The following THADA variants were observed in gnomAD, a reference collection of about 807,000 sequenced individuals.
THADA encodes the protein tRNA (32-2'-O)-methyltransferase regulator THADA.
Under a neutral mutation model 219.8 loss-of-function variants are expected in THADA, and 213 were observed. That is an observed-to-expected ratio of 0.97 (90% CI 0.87 to 1.09). The LOEUF (loss-of-function observed/expected upper bound fraction) is 1.09. Ranked by LOEUF, THADA falls within the 50% of genes least tolerant of loss-of-function variation. THADA has a pLI of 0.00. For missense variants in THADA, 2,956 were observed against 2,311.3 expected (o/e 1.28, Z -5.72); for synonymous variants, 1,018 against 828.9 (o/e 1.23, Z -3.92).
At chr2:43,555,176 G>C (rs1283585022) in intron 17 of THADA, among the ~76,000 whole-genome samples, 1 of 151,616 alleles carries the variant, frequency 6.6e-6, no homozygotes, top group Non-Finnish European at 1.5e-5. Flanking sequence ...GTACTACTGA[G>C]AAAATTCAGT....
rs185727015 is a variant in THADA, at chr2:43,399,950, T to A, written c.4059-1811A>T. 1.3e-3 allele frequency among the ~76,000 whole-genome samples: 196 copies of A among 152,318 alleles called. 1 individual carries two copies. The highest frequency in any genetic ancestry group is 4.7e-3 in the African/African-American group (194 of 41,558). On this transcript the variant is annotated intron_variant, in intron 28 of 37. Coordinates refer to ENST00000405975, the MANE Select transcript of THADA (RefSeq NM_022065.5). Reference sequence around the variant, plus strand: ...TTAATTAGCAAATGACCTCACTTAGTAAGGCAGTCATTTGTTGGAAGCTTC... The same window carrying A: ...TTAATTAGCAAATGACCTCACTTAGAAAGGCAGTCATTTGTTGGAAGCTTC...
At chr2:43,388,295 C>T (rs4952989) in intron 29 of THADA, among the ~76,000 whole-genome samples, 3 of 152,110 alleles carry the variant, frequency 2.0e-5, no homozygotes, top group Non-Finnish European at 2.9e-5. Context: ...AGTGTACCCA[C>T]GGTGAGATGT....
At chr2:43,401,601 G>C (rs1674851844) in intron 28 of THADA, among the ~76,000 whole-genome samples, 1 of 152,150 alleles carries the variant, frequency 6.6e-6, no homozygotes, top group South Asian at 2.1e-4. Flanking sequence ...TTTTTAATAG[G>C]AATACTTGCA....
intron 36 of THADA, among the ~76,000 whole-genome samples, chr2:43,244,936 CCT>C (rs1667547401): frequency 1.3e-5 from 2 of 152,180 alleles, no homozygotes; most frequent in South Asian, 4.1e-4. Flanking sequence ...CCTCCCTACC[CCT>C]GTGTCATGAG....
At chr2:43,386,755 G>T (rs1179856767) in intron 29 of THADA, among the ~76,000 whole-genome samples, 1 of 151,914 alleles carries the variant, frequency 6.6e-6, no homozygotes, top group African/African-American at 2.4e-5. Context: ...AATTAGCCAG[G>T]TGCCAGTGGC....
intron 36 of THADA, among the ~76,000 whole-genome samples, chr2:43,238,151 A>AAAAAAAAAAAT (rs1668253122): frequency 6.8e-6 from 1 of 146,036 alleles, no homozygotes; most frequent in Non-Finnish European, 1.5e-5. Context: ...AAAAAAAAAA[A>AAAAAAAAAAAT]AGGAAGGAAA....
intron 26 of THADA, among the ~76,000 whole-genome samples, chr2:43,479,407 T>C (rs1685915544): frequency 6.6e-6 from 1 of 152,146 alleles, no homozygotes; most frequent in African/African-American, 2.4e-5. Context: ...ACTGGATGAC[T>C]TCCTAGGTCC....
chr2:43,337,896 G>C (rs1296676815), intron 30 of THADA, among the ~76,000 whole-genome samples: 1 of 152,014 alleles, frequency 6.6e-6, no homozygotes, highest in Non-Finnish European at 1.5e-5. Context: ...TGAAAAATAG[G>C]CAAAAGTATT....
At chr2:43,325,952 T>C (rs888364574) in intron 30 of THADA, among the ~76,000 whole-genome samples, 1 of 152,200 alleles carries the variant, frequency 6.6e-6, no homozygotes, top group Non-Finnish European at 1.5e-5. Flanking sequence ...GTATCCAAAA[T>C]GGCAGTGGAT....
chr2:43,397,539 T>TG (rs1266427319), intron 29 of THADA, among the ~76,000 whole-genome samples: 1 of 152,146 alleles, frequency 6.6e-6, no homozygotes. Context: ...TAAGGTGCTG[T>TG]GCCACAGGGC....
rs1700482462 is a variant in THADA at position 43,581,737 on chromosome 2, T to C, written c.721+4A>G. 2 of 1,606,852 alleles carry C rather than the reference T, an allele frequency of 1.2e-6. No individual in the cohort carries two copies. The highest frequency in any genetic ancestry group is 1.7e-5 in the Admixed American group (1 of 58,156). Reference sequence around the variant, plus strand: ...ATCATTTGTATATAATTTGTTACACTTACCATCGCTTAAAACCTTGGTAAA... The same window carrying C: ...ATCATTTGTATATAATTTGTTACACCTACCATCGCTTAAAACCTTGGTAAA... On this transcript the variant is annotated splice_donor_region_variant and intron_variant, in intron 8 of 37. Coordinates refer to ENST00000405975, the MANE Select transcript of THADA (RefSeq NM_022065.5).
chr2:43,328,339 C>T (rs955063935), intron 30 of THADA, among the ~76,000 whole-genome samples: 41 of 152,208 alleles, frequency 2.7e-4, no homozygotes, highest in African/African-American at 9.4e-4. Flanking sequence ...TTTACCTTGC[C>T]CTCCCTGGGG....
At chr2:43,403,835 C>A (rs1675182679) in intron 28 of THADA, among the ~76,000 whole-genome samples, 1 of 151,974 alleles carries the variant, frequency 6.6e-6, no homozygotes, top group Non-Finnish European at 1.5e-5. Flanking sequence ...CCCCAACACA[C>A]CCCCTAAAAC....
At chr2:43,372,810 C>T (rs1670954072) in intron 29 of THADA, among the ~76,000 whole-genome samples, 1 of 152,084 alleles carries the variant, frequency 6.6e-6, no homozygotes, top group Non-Finnish European at 1.5e-5. Context: ...AGTGCAGTGG[C>T]GCGGTCTCAA....
At position 43,279,535 on chromosome 2, in the gene THADA, T is replaced by C. The variant is rs563956071; in HGVS notation, c.5296+230A>G. Among the ~76,000 whole-genome samples the C allele has an allele frequency of 2.0e-5, 3 of 152,348 alleles. No individual in the cohort carries two copies. The South Asian group carries it at 6.2e-4, about 32-fold the overall frequency. ...ACAGCAGGGGTCAGCAAACTACGGCTAGTAGATCAAATCTGAGAAGCTGCC... is the reference window on the plus strand; with the variant it reads ...ACAGCAGGGGTCAGCAAACTACGGCCAGTAGATCAAATCTGAGAAGCTGCC... On this transcript the variant is annotated intron_variant, in intron 36 of 37. Transcript: ENST00000405975.
chr2:43,461,908 T>A (rs1683686393), intron 26 of THADA, among the ~76,000 whole-genome samples: 1 of 152,208 alleles, frequency 6.6e-6, no homozygotes, highest in Non-Finnish European at 1.5e-5. Context: ...AACACAACGG[T>A]GTTAGTTTGC....
At chr2:43,471,836 T>C (rs1684942896) in intron 26 of THADA, among the ~76,000 whole-genome samples, 1 of 152,224 alleles carries the variant, frequency 6.6e-6, no homozygotes, top group Admixed American at 6.5e-5. Flanking sequence ...TTGGTTTTTG[T>C]TTTGTTTCAT....
chr2:43,541,264 A>G lies in THADA; in HGVS notation c.3159T>C (p.Cys1053=). 1.2e-6 allele frequency: 2 copies of G among 1,612,926 alleles called. No homozygotes were observed. The highest frequency in any genetic ancestry group is 1.7e-6 in the Non-Finnish European group (2 of 1,179,468). The change falls in exon 21 of 38, where the codon TGT becomes TGC. Residue 1053 remains cysteine (C), a synonymous_variant. Coordinates refer to ENST00000405975, the MANE Select transcript of THADA (RefSeq NM_022065.5). ...AAGCAACTTCCTTCATACTTCTCCA[A>G]CAACATACCAGCACCATCTGCGCAG... ...DVTAQMVLVC[C]WRSMKEVALL... is the part of the protein sequence containing the mutation.
At position 43,396,951 on chromosome 2, in the gene THADA, G is replaced by C. The variant is rs928371578; in HGVS notation, c.4227+1020C>G. 2.0e-5 allele frequency among the ~76,000 whole-genome samples: 3 copies of C among 152,130 alleles called. No individual in the cohort carries two copies. The East Asian group carries it at 5.8e-4, about 29-fold the overall frequency. ...AATGATAATAATAACAATAATGACT[G>C]TCTATATATCTTGTGGTGTACCCGG... is the stretch of plus-strand genomic sequence containing the variant. On this transcript the variant is annotated intron_variant, in intron 29 of 37. Transcript: ENST00000405975.
Sources: gnomAD v4.1 joint callset for allele counts (sites outside exome capture counted in the v4.1 genomes callset) on GRCh38, gnomAD v4.1.1 for gene constraint, MANE v1.5 for transcripts, NCBI Gene and HGNC (gene_info 2026-07-23, HGNC 2026-07-21) for gene names.